Variants in CAMTA1 observed in about 807,000 individuals in gnomAD.
The protein encoded by CAMTA1 is calmodulin binding transcription activator 1, also known as calmodulin-binding transcription activator 1.
In CAMTA1, 27 loss-of-function variants were observed where a neutral mutation model predicts 170.9. The observed-to-expected ratio is 0.16, with a 90% CI of 0.12 to 0.22. CAMTA1 has a LOEUF of 0.22. Ranked by LOEUF, CAMTA1 falls within the 10% of genes least tolerant of loss-of-function variation. The probability of loss-of-function intolerance (pLI) is 1.00; values close to 1 mark genes in which losing one functional copy is unlikely to be tolerated. For missense variants in CAMTA1, 1,619 were observed against 2,217.2 expected, an observed-to-expected ratio of 0.73 and a Z score of 5.42; for synonymous variants, 833 against 891.5, an observed-to-expected ratio of 0.93 and a Z score of 1.17.
chr1:7,662,535 A>G (rs870285), intron 8 of CAMTA1, among the ~76,000 whole-genome samples: 54,069 of 151,814 alleles, frequency 0.36, 10,022 homozygotes, highest in Non-Finnish European at 0.39. Flanking sequence ...GACCCTTATC[A>G]GATGAAATGA....
At chr1:6,914,502 G>A (rs376873967) in intron 3 of CAMTA1, among the ~76,000 whole-genome samples, 4 of 152,168 alleles carry the variant, frequency 2.6e-5, no homozygotes, top group African/African-American at 9.7e-5. Context: ...GAGATGAGGC[G>A]GATTCTCTCA....
chr1:7,489,223 T>C (rs1381288728), intron 6 of CAMTA1, among the ~76,000 whole-genome samples: 1 of 152,240 alleles, frequency 6.6e-6, no homozygotes, highest in African/African-American at 2.4e-5. Context: ...CACTCCCATT[T>C]GTTTCTGTCC....
intron 6 of CAMTA1, among the ~76,000 whole-genome samples, chr1:7,603,360 G>A (rs968567836): frequency 3.3e-5 from 5 of 151,942 alleles, no homozygotes; most frequent in African/African-American, 7.3e-5. Flanking sequence ...TATGAATCTG[G>A]GTGCTCCTGT....
At chr1:7,060,948 G>A (rs1380521371) in intron 3 of CAMTA1, among the ~76,000 whole-genome samples, 4 of 152,134 alleles carry the variant, frequency 2.6e-5, no homozygotes, top group Admixed American at 6.5e-5. Flanking sequence ...CCAAAAGAGC[G>A]GCCTCAGGAG....
intron 5 of CAMTA1, among the ~76,000 whole-genome samples, chr1:7,313,577 T>G (rs1677061821): frequency 6.6e-6 from 1 of 152,142 alleles, no homozygotes; most frequent in African/African-American, 2.4e-5. Flanking sequence ...ACATCAAACC[T>G]AGAATTGGTA....
chr1:6,944,714 A>G (rs1362267187), intron 3 of CAMTA1, among the ~76,000 whole-genome samples: 1 of 152,188 alleles, frequency 6.6e-6, no homozygotes, highest in Non-Finnish European at 1.5e-5. Flanking sequence ...TTAAAATAAC[A>G]TTTATCACTT....
chr1:6,893,543 A>C (rs1299221853), intron 3 of CAMTA1, among the ~76,000 whole-genome samples: 1 of 152,244 alleles, frequency 6.6e-6, no homozygotes, highest in Non-Finnish European at 1.5e-5. Context: ...ATCTGAGATC[A>C]TCCCTGTTGA....
At position 7,144,511 on chromosome 1, in the gene CAMTA1, C is replaced by G. The variant is rs1173927319; in HGVS notation, c.302+53140C>G. On this transcript the variant is annotated intron_variant, in intron 4 of 22. Coordinates refer to ENST00000303635, the MANE Select transcript of CAMTA1 (RefSeq NM_015215.4). The surrounding 1 kb of genome is among the most constrained non-coding windows in gnomAD (Gnocchi z 4.0). ...ATTCAACCCCTCATGCTATCAGGAC[C>G]GATATATATAACACTAGGCAGGATT... 6.6e-6 allele frequency among the ~76,000 whole-genome samples: 1 copy of G among 151,938 alleles called. No individual in the cohort carries two copies. Among genetic ancestry groups the G allele is most frequent in the Non-Finnish European group, 1.5e-5 (1 of 67,988 alleles).
At chr1:7,154,346 G>A (rs182988551) in intron 4 of CAMTA1, among the ~76,000 whole-genome samples, 6 of 152,230 alleles carry the variant, frequency 3.9e-5, no homozygotes, top group African/African-American at 1.2e-4. Flanking sequence ...TGATAAATGA[G>A]GGGTGCATCA....
chr1:7,429,202 A>G (rs1177267902), intron 5 of CAMTA1, among the ~76,000 whole-genome samples: 1 of 152,224 alleles, frequency 6.6e-6, no homozygotes, highest in Non-Finnish European at 1.5e-5. Context: ...ATCCGTTTCC[A>G]TACTGGATAC....
chr1:7,734,674 ACT>A (rs1421836100), intron 12 of CAMTA1, among the ~76,000 whole-genome samples: 3 of 151,992 alleles, frequency 2.0e-5, no homozygotes, highest in Admixed American at 6.6e-5. Context: ...GGATCACCTA[ACT>A]CTGCTCCTGT....
At chr1:7,739,071 C>G (rs2096791615) in intron 16 of CAMTA1, among the ~76,000 whole-genome samples, 1 of 152,052 alleles carries the variant, frequency 6.6e-6, no homozygotes, top group Non-Finnish European at 1.5e-5. Context: ...AGAATATATA[C>G]CAAAATAAAC....
intron 5 of CAMTA1, among the ~76,000 whole-genome samples, chr1:7,452,339 G>C (rs1372392666): frequency 1.3e-5 from 2 of 152,086 alleles, no homozygotes; most frequent in African/African-American, 4.8e-5. Flanking sequence ...TCTGTGCCTG[G>C]GCCACGGTTT....
At chr1:7,102,139 A>G (rs555318004) in intron 4 of CAMTA1, among the ~76,000 whole-genome samples, 1 of 152,262 alleles carries the variant, frequency 6.6e-6, no homozygotes, top group South Asian at 2.1e-4. Flanking sequence ...TATGTGTCTT[A>G]GCGAGTTGAA....
intron 5 of CAMTA1, among the ~76,000 whole-genome samples, chr1:7,464,711 C>T (rs2093169869): frequency 6.6e-6 from 1 of 152,172 alleles, no homozygotes; most frequent in South Asian, 2.1e-4. Flanking sequence ...TCTGATGTCC[C>T]CTTCCGGTGA....
At chr1:7,193,996 C>G (rs998251840) in intron 4 of CAMTA1, among the ~76,000 whole-genome samples, 1 of 152,182 alleles carries the variant, frequency 6.6e-6, no homozygotes, top group African/African-American at 2.4e-5. Context: ...CCCTTAGCAT[C>G]ATATCTCACT....
chr1:7,083,073 C>T (rs1203271598), intron 3 of CAMTA1, among the ~76,000 whole-genome samples: 1 of 152,216 alleles, frequency 6.6e-6, no homozygotes, highest in East Asian at 1.9e-4. Context: ...TGCTTCTTTA[C>T]TGACTCTGGC....
chr1:6,792,201 G>A (rs992404306), intron 1 of CAMTA1, among the ~76,000 whole-genome samples: 3 of 151,890 alleles, frequency 2.0e-5, no homozygotes, highest in Non-Finnish European at 4.4e-5. Flanking sequence ...CAAGTGATCC[G>A]CCCACCTAGG....
At chr1:6,966,165 C>CT (rs946053789) in intron 3 of CAMTA1, among the ~76,000 whole-genome samples, 8 of 152,138 alleles carry the variant, frequency 5.3e-5, no homozygotes, top group Non-Finnish European at 8.8e-5. Flanking sequence ...ATTTTTCCCA[C>CT]TTTTTTAATT....
Sources: gnomAD v4.1 joint callset for allele counts (sites outside exome capture counted in the v4.1 genomes callset) on GRCh38, gnomAD v4.1.1 for gene constraint, Gnocchi (gnomAD v3.1) non-coding constraint, MANE v1.5 for transcripts, NCBI Gene and HGNC (gene_info 2026-07-23, HGNC 2026-07-21) for gene names.